The following ROBO2 variants were observed in gnomAD, a reference collection of about 807,000 sequenced individuals.
ROBO2 encodes roundabout homolog 2.
ROBO2 carries 53 observed loss-of-function variants against 160.8 expected under a neutral mutation model. That is an observed-to-expected ratio of 0.33 (90% CI 0.26 to 0.41). The LOEUF is 0.41. ROBO2 is among the 10% of genes least tolerant of loss of function. The pLI is 1.00. For missense variants in ROBO2, 1,577 were observed against 1,722.4 expected (o/e 0.92, Z 1.49); for synonymous variants, 664 against 611.7 (o/e 1.09, Z -1.26).
At chr3:77,474,264 C>T (rs1367841473) in intron 2 of ROBO2, among the ~76,000 whole-genome samples, 2 of 152,106 alleles carry the variant, frequency 1.3e-5, no homozygotes, top group Admixed American at 6.5e-5. Flanking sequence ...AGTATATAAG[C>T]ATTGGTATAC....
intron 2 of ROBO2, among the ~76,000 whole-genome samples, chr3:76,472,978 C>T (rs527823544): frequency 6.6e-6 from 1 of 152,184 alleles, no homozygotes; most frequent in South Asian, 2.1e-4. Flanking sequence ...AGAAGACTAT[C>T]AGTGGTGTTT....
intron 2 of ROBO2, among the ~76,000 whole-genome samples, chr3:77,277,161 T>TTTCC (rs879535761): frequency 0.11 from 9,078 of 84,492 alleles, 342 homozygotes; most frequent in Middle Eastern, 0.18. Flanking sequence ...TCTTTCCTTC[T>TTTCC]TTCTTTCTTT....
At chr3:76,271,088 G>A (rs550903127) in intron 2 of ROBO2, among the ~76,000 whole-genome samples, 227 of 151,990 alleles carry the variant, frequency 1.5e-3, no homozygotes, top group Non-Finnish European at 2.5e-3. Flanking sequence ...TCCATCAATC[G>A]GAAAGATGTT....
intron 2 of ROBO2, among the ~76,000 whole-genome samples, chr3:76,307,010 T>C (rs2071364252): frequency 6.6e-6 from 1 of 152,110 alleles, no homozygotes; most frequent in Non-Finnish European, 1.5e-5. Context: ...CCCCTACCAT[T>C]GAAGATAAAG....
At chr3:76,191,862 A>G (rs1413422966) in intron 2 of ROBO2, among the ~76,000 whole-genome samples, 2 of 152,006 alleles carry the variant, frequency 1.3e-5, no homozygotes, top group Admixed American at 1.3e-4. Context: ...CTAATGAACT[A>G]GATGTGATAG....
At chr3:77,071,399 T>C (rs572083697) in intron 1 of ROBO2, among the ~76,000 whole-genome samples, 3 of 152,316 alleles carry the variant, frequency 2.0e-5, no homozygotes, top group African/African-American at 4.8e-5. Context: ...TCCTTTACGA[T>C]TGTTGTATAA....
chr3:76,209,963 A>T (rs1189877652), intron 2 of ROBO2, among the ~76,000 whole-genome samples: 4 of 152,114 alleles, frequency 2.6e-5, no homozygotes, highest in Non-Finnish European at 4.4e-5. Context: ...GGAATATTAT[A>T]GTAAAAGAAA....
intron 2 of ROBO2, among the ~76,000 whole-genome samples, chr3:77,142,331 T>A (rs1416917584): frequency 6.6e-6 from 1 of 152,208 alleles, no homozygotes; most frequent in African/African-American, 2.4e-5. Context: ...ATAGCAGAAA[T>A]ACACTTGTAT....
At chr3:76,807,892 CA>C (rs1433881657) in intron 2 of ROBO2, among the ~76,000 whole-genome samples, 1 of 151,808 alleles carries the variant, frequency 6.6e-6, no homozygotes, top group African/African-American at 2.4e-5. Context: ...TATTCATGCA[CA>C]AAAACTTAGG....
intron 2 of ROBO2, among the ~76,000 whole-genome samples, chr3:76,353,162 C>G (rs1160936417): frequency 6.6e-6 from 1 of 151,894 alleles, no homozygotes; most frequent in Non-Finnish European, 1.5e-5. Context: ...TGCTTTGGAT[C>G]CCTGTTTCAC....
At chr3:76,367,906 TTTA>T (rs1304359552) in intron 2 of ROBO2, among the ~76,000 whole-genome samples, 9 of 150,112 alleles carry the variant, frequency 6.0e-5, no homozygotes, top group East Asian at 2.0e-4. Context: ...GTGATATATA[TTTA>T]TTATTATTTA....
intron 2 of ROBO2, among the ~76,000 whole-genome samples, chr3:76,490,126 T>TCA (rs1243480978): frequency 6.6e-6 from 1 of 152,218 alleles, no homozygotes; most frequent in African/African-American, 2.4e-5. Flanking sequence ...CCTTAAAATG[T>TCA]CACAGTCTTT....
At chr3:76,132,196 A>C (rs2106682360) in intron 2 of ROBO2, among the ~76,000 whole-genome samples, 1 of 152,252 alleles carries the variant, frequency 6.6e-6, no homozygotes, top group Middle Eastern at 3.4e-3. Context: ...ACAAGTTTTC[A>C]AAAGTTCTTT....
chr3:76,702,537 C>T (rs1054196855), intron 2 of ROBO2, among the ~76,000 whole-genome samples: 7 of 110,570 alleles, frequency 6.3e-5, no homozygotes, highest in African/African-American at 3.0e-4. Flanking sequence ...GACAGAGAGA[C>T]AGAGAGAAAT....
intron 2 of ROBO2, among the ~76,000 whole-genome samples, chr3:77,455,513 C>T (rs1293455684): frequency 6.6e-6 from 1 of 152,176 alleles, no homozygotes; most frequent in Non-Finnish European, 1.5e-5. Context: ...CTCACCGCAA[C>T]ATCCAACTCC....
intron 2 of ROBO2, among the ~76,000 whole-genome samples, chr3:76,933,768 AC>A (rs1346193917): frequency 6.6e-6 from 1 of 152,200 alleles, no homozygotes; most frequent in African/African-American, 2.4e-5. Flanking sequence ...TAGTTTAGGG[AC>A]AAATGAAGAA....
At chr3:76,797,430 G>C (rs1449635067) in intron 2 of ROBO2, among the ~76,000 whole-genome samples, 1 of 151,926 alleles carries the variant, frequency 6.6e-6, no homozygotes, top group Non-Finnish European at 1.5e-5. Context: ...ATGGCATACA[G>C]CAAAAGCAGT....
At chr3:76,816,919 C>T (rs2065714457) in intron 2 of ROBO2, among the ~76,000 whole-genome samples, 1 of 152,004 alleles carries the variant, frequency 6.6e-6, no homozygotes, top group Non-Finnish European at 1.5e-5. Flanking sequence ...ATGTCATTTG[C>T]AGGGACATGG....
At chr3:76,375,739 G>A (rs940862157) in intron 2 of ROBO2, among the ~76,000 whole-genome samples, 7 of 151,880 alleles carry the variant, frequency 4.6e-5, no homozygotes, top group Admixed American at 1.3e-4. Context: ...ACAAACCAAA[G>A]CAAAAAACTA....
Sources: gnomAD v4.1 joint callset for allele counts (sites outside exome capture counted in the v4.1 genomes callset) on GRCh38, gnomAD v4.1.1 for gene constraint, MANE v1.5 for transcripts, NCBI Gene and HGNC (gene_info 2026-07-23, HGNC 2026-07-21) for gene names.